MIGA2: variants seen among roughly 807,000 people sequenced by gnomAD.
MIGA2 encodes mitoguardin 2.
In MIGA2, 36 loss-of-function variants were observed where a neutral mutation model predicts 69.9. The ratio of observed to expected loss-of-function variants is 0.52; its 90% confidence interval spans 0.39 to 0.68. The LOEUF (loss-of-function observed/expected upper bound fraction) is 0.68. Among genes scored for constraint, MIGA2 ranks in the 30% least tolerant of loss-of-function variants. The pLI is 0.00. For missense variants in MIGA2, 660 were observed against 787.7 expected, an observed-to-expected ratio of 0.84 and a Z score of 1.94; for synonymous variants, 333 against 349.2, an observed-to-expected ratio of 0.95 and a Z score of 0.52.
At position 129,056,209 on chromosome 9, in the gene MIGA2, G is replaced by A. The variant is rs562323931; in HGVS notation, c.676-2945G>A. 2.3e-4 allele frequency among the ~76,000 whole-genome samples: 35 copies of A among 151,888 alleles called. No homozygotes were observed. In the Middle Eastern group the frequency reaches 0.014, roughly 59 times the overall value. ...AAATTAATTTTGCCCATTACTTTGT[G>A]CTATTTATTGTGGTCTGTAGCAAAC... On this transcript the variant is annotated intron_variant, in intron 6 of 15. Transcript: ENST00000684074.
At chr9:129,057,133 T>G (rs1380907523) in intron 6 of MIGA2, among the ~76,000 whole-genome samples, 1 of 152,162 alleles carries the variant, frequency 6.6e-6, no homozygotes, top group Non-Finnish European at 1.5e-5. Flanking sequence ...AATCTAGTGC[T>G]CACTTCTCTT....
At chr9:129,066,959 C>CAAAAAAA (rs1215441028) in intron 11 of MIGA2, among the ~76,000 whole-genome samples, 1 of 32,122 alleles carries the variant, frequency 3.1e-5, no homozygotes, top group African/African-American at 1.3e-4. Flanking sequence ...GACTCTGTCT[C>CAAAAAAA]AAAAAAAAAA....
chr9:129,059,099 C>T lies in MIGA2; in HGVS notation c.676-55C>T. The T allele has an allele frequency of 2.0e-6, 3 of 1,522,536 alleles. No individual in the cohort carries two copies. Among genetic ancestry groups the T allele is most frequent in the Non-Finnish European group, 2.7e-6 (3 of 1,098,864 alleles). The allele number at this position is 1,522,536 out of a possible 1,614,324, so 94.3% of individuals were successfully genotyped here. On this transcript the variant is annotated intron_variant, in intron 6 of 15. Transcript: ENST00000684074. This position sits in a 1 kb window ranked among gnomAD's most constrained non-coding sequence, Gnocchi z 5.6. ...GGGACCTGGGGGTGAGGGAAGGGGC[C>T]ATTTTCATCGGGAGCTTTGAGGGTC...
In MIGA2 at chr9:129,070,235, C is replaced by T; in HGVS notation, c.1576-12C>T. ...GGCTGGGCCAGGCCTGACACCAGCC[C>T]TGCTCCCCCAGCACCAGATTGTGCA... On this transcript the variant is annotated splice_polypyrimidine_tract_variant and intron_variant, in intron 15 of 15. Coordinates refer to ENST00000684074, the MANE Select transcript of MIGA2 (RefSeq NM_001329990.2). 2 of 1,608,784 alleles carry T rather than the reference C, an allele frequency of 1.2e-6. No homozygotes were observed. Among genetic ancestry groups the T allele is most frequent in the Non-Finnish European group, 1.7e-6 (2 of 1,176,636 alleles).
chr9:129,047,604 G>A (rs770231703), intron 3 of MIGA2, among the ~76,000 whole-genome samples: 1 of 151,424 alleles, frequency 6.6e-6, no homozygotes, highest in African/African-American at 2.4e-5. Flanking sequence ...TTATAGATGG[G>A]GTTTTACCTT....
intron 11 of MIGA2, among the ~76,000 whole-genome samples, chr9:129,066,491 A>G (rs1048584623): frequency 1.8e-4 from 27 of 149,302 alleles, no homozygotes; most frequent in African/African-American, 5.0e-4. Flanking sequence ...TGGCTAGCAC[A>G]GTGAAACCCC....
intron 5 of MIGA2, 83 bp downstream of exon 5, chr9:129,049,581 T>G (rs1588383057): frequency 7.0e-7 from 1 of 1,427,642 alleles, no homozygotes; most frequent in Non-Finnish European, 9.8e-7. Context: ...CAGTCTTGGG[T>G]CACTTTGCCC....
At chr9:129,058,359 C>T (rs540432461) in intron 6 of MIGA2, among the ~76,000 whole-genome samples, 5 of 149,400 alleles carry the variant, frequency 3.3e-5, no homozygotes, top group Admixed American at 1.3e-4. Flanking sequence ...GATGTGATTG[C>T]GCCACTGCAC....
rs767167533 is a variant in MIGA2, at chr9:129,059,369, T to C, written c.793+98T>C. The C allele has an allele frequency of 9.8e-5, 87 of 889,902 alleles. No homozygotes were observed. The highest frequency in any genetic ancestry group is 1.4e-4 in the Non-Finnish European group (81 of 565,604). The allele number at this position is 889,902 out of a possible 1,614,324, so 55.1% of individuals were successfully genotyped here. A position where few individuals can be genotyped will look rare whatever the true frequency, so the allele number is the denominator to read the frequency against. On this transcript the variant is annotated intron_variant, in intron 7 of 15. Coordinates refer to ENST00000684074, the MANE Select transcript of MIGA2 (RefSeq NM_001329990.2). This position sits in a 1 kb window ranked among gnomAD's most constrained non-coding sequence, Gnocchi z 5.6. ...ACCGGGTCGTGGTTCTCTCAGTGCG[T>C]CCAATGAATCAGAATCCCCAGGGCT...
intron 3 of MIGA2, among the ~76,000 whole-genome samples, chr9:129,048,061 C>T (rs1845322938): frequency 6.6e-6 from 1 of 152,200 alleles, no homozygotes; most frequent in African/African-American, 2.4e-5. Context: ...TGTCGTCTCA[C>T]ATCTCTTTTG....
rs1367140200 is a variant in MIGA2 at position 129,068,009 on chromosome 9, C to T, written c.1269+138C>T. The T allele has an allele frequency of 1.6e-6, 2 of 1,281,548 alleles. No homozygotes were observed. The highest frequency in any genetic ancestry group is 2.2e-6 in the Non-Finnish European group (2 of 907,864). 79.4% of individuals were successfully genotyped at this position (1,281,548 alleles called of 1,614,324 possible). Reference sequence around the variant, plus strand: ...ACTGCTCATAGTCCCCGGTTCCTGCCCTGCCCCAGGCCAAGGCAGAGGGAG... The same window carrying T: ...ACTGCTCATAGTCCCCGGTTCCTGCTCTGCCCCAGGCCAAGGCAGAGGGAG... On this transcript the variant is annotated intron_variant, in intron 12 of 15. Transcript: ENST00000684074. The surrounding 1 kb of genome is among the most constrained non-coding windows in gnomAD (Gnocchi z 4.1).
chr9:129,051,291 T>G (rs1052786626), intron 6 of MIGA2: 4 of 185,236 alleles, frequency 2.2e-5, no homozygotes, highest in African/African-American at 9.7e-5. Context: ...TTTATTTTTT[T>G]TTTTGGAGAC....
At chr9:129,041,164 A>C (rs1373839184) in intron 2 of MIGA2, among the ~76,000 whole-genome samples, 1 of 152,172 alleles carries the variant, frequency 6.6e-6, no homozygotes, top group African/African-American at 2.4e-5. Context: ...GTGAAACGCT[A>C]TCTCTACCAA....
In MIGA2 at chr9:129,069,683, A is replaced by G. The variant is rs746024305; in HGVS notation, c.1459-166A>G. ...GGCCCATGGTTACCCTGTCTGCAGA[A>G]GTTAAAATGGGCTTCGAAAGCTTGA... On this transcript the variant is annotated intron_variant, in intron 14 of 15. Coordinates refer to ENST00000684074, the MANE Select transcript of MIGA2 (RefSeq NM_001329990.2). The surrounding 1 kb of genome is among the most constrained non-coding windows in gnomAD (Gnocchi z 4.9). The G allele has an allele frequency of 1.5e-6, 1 of 662,348 alleles. No homozygotes were observed. Among genetic ancestry groups the G allele is most frequent in the Non-Finnish European group, 2.7e-6 (1 of 363,806 alleles). The allele number at this position is 662,348 out of a possible 1,614,324, so 41.0% of individuals were successfully genotyped here.
Position 129,069,017 on chromosome 9 carries a change from C to T in MIGA2, c.1405-59C>T, listed in dbSNP as rs559770010. Reference sequence around the variant, plus strand: ...GGCTTGGTGCTGGGCTGGCAGAGGGCGAGGGGCTGTGGGCTAGGCCCATTT... The same window carrying T: ...GGCTTGGTGCTGGGCTGGCAGAGGGTGAGGGGCTGTGGGCTAGGCCCATTT... On this transcript the variant is annotated intron_variant, in intron 13 of 15. Transcript: ENST00000684074. The surrounding 1 kb of genome is among the most constrained non-coding windows in gnomAD (Gnocchi z 4.9). 77 of 1,599,366 alleles carry T rather than the reference C, an allele frequency of 4.8e-5. No individual in the cohort carries two copies. In the East Asian group the frequency reaches 1.0e-3, roughly 21 times the overall value.
intron 3 of MIGA2, among the ~76,000 whole-genome samples, chr9:129,044,540 G>A (rs1845107150): frequency 6.6e-6 from 1 of 151,894 alleles, no homozygotes; most frequent in African/African-American, 2.4e-5. Flanking sequence ...GCAAGGCCAG[G>A]AGTTCTCATC....
At chr9:129,063,735 C>T (rs925814083) in intron 11 of MIGA2, 104 bp downstream of exon 11, 41 of 1,075,532 alleles carry the variant, frequency 3.8e-5, no homozygotes, top group Admixed American at 6.5e-5. Flanking sequence ...GGCTGATACA[C>T]GTTCCTCCTA....
At position 129,042,042 on chromosome 9, in the gene MIGA2, G is replaced by A. The variant is rs746684757; in HGVS notation, c.97-262G>A. On this transcript the variant is annotated intron_variant, in intron 2 of 15. Coordinates refer to ENST00000684074, the MANE Select transcript of MIGA2 (RefSeq NM_001329990.2). ...CTGGTGCTTGTTCACTGCGGCTTGT[G>A]TGCTCATGACTGAGGGTGCTGGCCC... is the stretch of plus-strand genomic sequence containing the variant. 1.8e-4 allele frequency: 89 copies of A among 502,602 alleles called. 1 individual carries two copies. The highest frequency in any genetic ancestry group is 5.5e-4 in the Middle Eastern group (1 of 1,832). 31.1% of individuals were successfully genotyped at this position (502,602 alleles called of 1,614,324 possible). A position where few individuals can be genotyped will look rare whatever the true frequency, so the allele number is the denominator to read the frequency against.
At chr9:129,040,365 C>T (rs1844831559) in intron 1 of MIGA2, 87 bp from the exon 2 acceptor site, 3 of 985,882 alleles carry the variant, frequency 3.0e-6, no homozygotes, top group East Asian at 7.4e-5. Flanking sequence ...GCTCCTGCCT[C>T]CTCCCCCATG....
Sources: allele counts gnomAD v4.1 joint callset (sites outside exome capture counted in the v4.1 genomes callset), GRCh38; gene constraint gnomAD v4.1.1; non-coding constraint Gnocchi (gnomAD v3.1); transcripts MANE v1.5; gene names NCBI Gene and HGNC (gene_info 2026-07-23, HGNC 2026-07-21).